The following KAZN variants were observed in gnomAD, a reference collection of about 807,000 sequenced individuals.
The protein encoded by KAZN is kazrin, periplakin interacting protein.
KAZN carries 40 observed loss-of-function variants against 87.4 expected under a neutral mutation model. The ratio of observed to expected loss-of-function variants is 0.46; its 90% confidence interval spans 0.36 to 0.60. The LOEUF is 0.60. KAZN is among the 20% of genes least tolerant of loss of function. KAZN has a pLI of 0.00. For missense variants in KAZN, 898 were observed against 1,073.9 expected (o/e 0.84, Z 2.29); for synonymous variants, 466 against 458.3 (o/e 1.02, Z -0.22).
At chr1:15,010,639 C>G (rs908741136) in intron 2 of KAZN, among the ~76,000 whole-genome samples, 2 of 152,176 alleles carry the variant, frequency 1.3e-5, no homozygotes, top group Admixed American at 6.5e-5. Context: ...TGATCACCCA[C>G]CTTGGCCTCC....
At chr1:14,540,848 G>A (rs1672767775) in intron 2 of KAZN, among the ~76,000 whole-genome samples, 1 of 152,196 alleles carries the variant, frequency 6.6e-6, no homozygotes, top group Non-Finnish European at 1.5e-5. Context: ...GGGTCACCAT[G>A]TATTTATATA....
At chr1:14,648,810 T>A (rs1015504808) in intron 1 of KAZN, among the ~76,000 whole-genome samples, 2 of 152,196 alleles carry the variant, frequency 1.3e-5, no homozygotes, top group African/African-American at 4.8e-5. Context: ...TCATGTCCCA[T>A]TGGGAACCAG....
chr1:14,220,583 A>G (rs532730), intron 2 of KAZN, among the ~76,000 whole-genome samples: 145,151 of 152,250 alleles, frequency 0.95, 69,256 homozygotes, highest in East Asian at 1. Flanking sequence ...CTCATTCCCT[A>G]GTGGATCACA....
chr1:14,929,173 T>C (rs1245215716), intron 1 of KAZN, among the ~76,000 whole-genome samples: 1 of 152,238 alleles, frequency 6.6e-6, no homozygotes, highest in Non-Finnish European at 1.5e-5. Flanking sequence ...ATGCTACCCA[T>C]GCCATAAGGA....
At chr1:14,980,381 C>T (rs1666111105) in intron 2 of KAZN, among the ~76,000 whole-genome samples, 2 of 152,238 alleles carry the variant, frequency 1.3e-5, no homozygotes, top group Non-Finnish European at 2.9e-5. Context: ...GCCCAGTGCT[C>T]AGGATCTGAG....
At chr1:14,526,432 C>A (rs1042224488) in intron 2 of KAZN, among the ~76,000 whole-genome samples, 1 of 152,142 alleles carries the variant, frequency 6.6e-6, no homozygotes, top group African/African-American at 2.4e-5. Flanking sequence ...CAGCCATGTG[C>A]CAAGTGCCCC....
At chr1:13,935,303 T>A (rs907049572) in intron 1 of KAZN, among the ~76,000 whole-genome samples, 46 of 148,932 alleles carry the variant, frequency 3.1e-4, no homozygotes, top group African/African-American at 1.1e-3. Flanking sequence ...TTTACATATA[T>A]TCTGTTATCC....
At chr1:14,929,195 T>A (rs950319071) in intron 1 of KAZN, among the ~76,000 whole-genome samples, 2 of 152,260 alleles carry the variant, frequency 1.3e-5, no homozygotes, top group Admixed American at 1.3e-4. Context: ...GGAGGGGGAA[T>A]TCCTATTCCT....
intron 2 of KAZN, among the ~76,000 whole-genome samples, chr1:14,976,218 G>C (rs1381211604): frequency 1.3e-5 from 2 of 152,044 alleles, no homozygotes; most frequent in Non-Finnish European, 2.9e-5. Context: ...ACCCAGGCTG[G>C]AGTGCAGTGG....
intron 2 of KAZN, among the ~76,000 whole-genome samples, chr1:14,256,653 G>T (rs1039245703): frequency 1.8e-4 from 27 of 152,162 alleles, no homozygotes; most frequent in African/African-American, 6.5e-4. Flanking sequence ...TCTTGGCTGT[G>T]TGATTGTGGC....
chr1:14,123,008 T>A (rs1309020783), intron 1 of KAZN, among the ~76,000 whole-genome samples: 1 of 152,212 alleles, frequency 6.6e-6, no homozygotes, highest in Non-Finnish European at 1.5e-5. Flanking sequence ...AATGGGTAGT[T>A]GGCAGAGATA....
intron 1 of KAZN, among the ~76,000 whole-genome samples, chr1:14,007,414 T>G (rs1208038355): frequency 6.6e-6 from 1 of 152,196 alleles, no homozygotes; most frequent in African/African-American, 2.4e-5. Flanking sequence ...CTTGATTAAC[T>G]GTCTATGGCC....
chr1:14,996,168 G>A lies in KAZN; in HGVS notation c.418+35293G>A, dbSNP rs536813053. Among the ~76,000 whole-genome samples the A allele has an allele frequency of 1.3e-5, 2 of 152,032 alleles. No individual in the cohort carries two copies. Among genetic ancestry groups the A allele is most frequent in the Non-Finnish European group, 2.9e-5 (2 of 68,026 alleles). On this transcript the variant is annotated intron_variant, in intron 2 of 14. Transcript: ENST00000376030. This position sits in a 1 kb window ranked among gnomAD's most constrained non-coding sequence, Gnocchi z 5.9. ...ACCGCAGAACTCACTGGGCCTTCTG[G>A]GTCTTGGCTCTTCATGCCCCGCCCA...
chr1:14,115,722 G>T (rs1644602427), intron 1 of KAZN, among the ~76,000 whole-genome samples: 1 of 152,166 alleles, frequency 6.6e-6, no homozygotes, highest in African/African-American at 2.4e-5. Context: ...ACAGGCAGGG[G>T]TTGGAACAAT....
intron 2 of KAZN, among the ~76,000 whole-genome samples, chr1:14,590,505 G>A (rs1676130685): frequency 6.6e-6 from 1 of 152,182 alleles, no homozygotes; most frequent in South Asian, 2.1e-4. Flanking sequence ...TGTGACTCTG[G>A]TTATTCTACC....
rs956437398 is a variant in KAZN at position 14,735,351 on chromosome 1, C to T, written c.226+136128C>T. Reference sequence around the variant, plus strand: ...CTGGGATTACAGGCGTGAGCCACCGCGCCCGGCCCGTGCTGTTGTTTTCAA... The same window carrying T: ...CTGGGATTACAGGCGTGAGCCACCGTGCCCGGCCCGTGCTGTTGTTTTCAA... On this transcript the variant is annotated intron_variant, in intron 1 of 14. Transcript: ENST00000376030. This position sits in a 1 kb window ranked among gnomAD's most constrained non-coding sequence, Gnocchi z 4.3. 8.5e-5 allele frequency among the ~76,000 whole-genome samples: 13 copies of T among 152,320 alleles called. No homozygotes were observed. Among genetic ancestry groups the T allele is most frequent in the African/African-American group, 2.6e-4 (11 of 41,574 alleles).
At chr1:15,036,526 GA>G (rs1361223121) in intron 3 of KAZN, among the ~76,000 whole-genome samples, 2 of 152,128 alleles carry the variant, frequency 1.3e-5, no homozygotes, top group Non-Finnish European at 2.9e-5. Flanking sequence ...AAGCAAGGCA[GA>G]GGGAGGCAGG....
chr1:13,972,951 C>T (rs1208847675), intron 1 of KAZN, among the ~76,000 whole-genome samples: 1 of 152,208 alleles, frequency 6.6e-6, no homozygotes, highest in African/African-American at 2.4e-5. Context: ...AATGATTTAA[C>T]ATATTTATTG....
chr1:15,013,368 AG>A (rs943727419), intron 2 of KAZN, among the ~76,000 whole-genome samples: 2 of 152,220 alleles, frequency 1.3e-5, no homozygotes, highest in Non-Finnish European at 2.9e-5. Flanking sequence ...AATGCAAAAC[AG>A]ATGATGTCAG....
Sources: gnomAD v4.1 joint callset for allele counts (sites outside exome capture counted in the v4.1 genomes callset) on GRCh38, gnomAD v4.1.1 for gene constraint, Gnocchi (gnomAD v3.1) non-coding constraint, MANE v1.5 for transcripts, NCBI Gene and HGNC (gene_info 2026-07-23, HGNC 2026-07-21) for gene names.